DNAJC7: variants seen among roughly 807,000 people sequenced by gnomAD.
The protein encoded by DNAJC7 is DnaJ heat shock protein family (Hsp40) member C7.
A neutral mutation model predicts 67.4 loss-of-function variants in DNAJC7; 18 were observed. The ratio of observed to expected loss-of-function variants is 0.27; its 90% confidence interval spans 0.18 to 0.40. The LOEUF is 0.40. DNAJC7 is among the 10% of genes least tolerant of loss of function. The pLI is 1.00. For synonymous variants in DNAJC7, 220 were observed against 207.8 expected, an observed-to-expected ratio of 1.06 and a Z score of -0.50; for missense variants, 419 against 613.8, an observed-to-expected ratio of 0.68 and a Z score of 3.35.
At position 41,988,899 on chromosome 17, in the gene DNAJC7, A is replaced by G. The variant is rs781811871; in HGVS notation, c.754-3T>C. The G allele has an allele frequency of 8.1e-6, 13 of 1,613,164 alleles. No homozygotes were observed. In the East Asian group the frequency reaches 2.2e-4, roughly 28 times the overall value. The stretch of plus-strand genomic sequence containing the variant: ...TTTGCTTTGAGTGCTTTGGCATTCT[A>G]CAGAAAAAAGCAAGGGGAGGATCGG... On this transcript the variant is annotated splice_region_variant and splice_polypyrimidine_tract_variant and intron_variant, in intron 7 of 13. Transcript: ENST00000457167.
intron 5 of DNAJC7, among the ~76,000 whole-genome samples, chr17:41,991,080 T>C (rs1015770666): frequency 2.6e-5 from 4 of 152,220 alleles, no homozygotes; most frequent in Admixed American, 6.5e-5. Context: ...TGGGGATTAA[T>C]TTACTCTTTC....
rs550691498 is a variant in DNAJC7 at position 41,997,432 on chromosome 17, CA to C, written c.167-194del. 0.028 allele frequency among the ~76,000 whole-genome samples: 3,291 copies of C among 118,220 alleles called. 86 individuals carry two copies. The highest frequency in any genetic ancestry group is 0.083 in the African/African-American group (2,675 of 32,230). 77.6% of individuals were successfully genotyped at this position (118,220 alleles called of 152,430 possible). A position where few individuals can be genotyped will look rare whatever the true frequency, so the allele number is the denominator to read the frequency against. ...GCACAACCCCATCTCTACTAAAATA[CA>C]AAAAAAAAAAAAAAATAGCTGGGCG... is the stretch of plus-strand genomic sequence containing the variant. On this transcript the variant is annotated intron_variant, in intron 2 of 13. Transcript: ENST00000457167.
chr17:42,007,706 T>C (rs1246969313), intron 1 of DNAJC7, among the ~76,000 whole-genome samples: 2 of 151,648 alleles, frequency 1.3e-5, no homozygotes, highest in East Asian at 3.9e-4. Flanking sequence ...TGTATTTTAG[T>C]AGAGATGGGG....
chr17:41,977,406 C>G, intron 12 of DNAJC7, 83 bp from the exon 13 acceptor site: 2 of 1,281,444 alleles, frequency 1.6e-6, no homozygotes, highest in Non-Finnish European at 2.2e-6. Context: ...ACACTGAGAA[C>G]AGATCTCCAA....
rs10631965 is a variant in DNAJC7 at position 42,003,950 on chromosome 17, A to ATTTTTTT, written c.78-3387_78-3381dup. On this transcript the variant is annotated intron_variant, in intron 1 of 13. Coordinates refer to ENST00000457167, the MANE Select transcript of DNAJC7 (RefSeq NM_003315.4). The stretch of plus-strand genomic sequence containing the variant: ...GAAGCATTTCCAATGAAGATTTTCA[A>ATTTTTTT]TTTTTTTTTTTTTTTTTTTTTTTTA... 3.5e-4 allele frequency among the ~76,000 whole-genome samples: 33 copies of ATTTTTTT among 94,320 alleles called. 3 individuals carry two copies. Among genetic ancestry groups the ATTTTTTT allele is most frequent in the East Asian group, 2.1e-3 (6 of 2,912 alleles). The allele number at this position is 94,320 out of a possible 152,430, so 61.9% of individuals were successfully genotyped here.
chr17:42,002,304 TAAG>T (rs2051828664), intron 1 of DNAJC7, among the ~76,000 whole-genome samples: 3 of 152,214 alleles, frequency 2.0e-5, no homozygotes, highest in Admixed American at 1.3e-4. Context: ...GGCTAGTGGC[TAAG>T]AATATACAAA....
chr17:41,981,550 A>G (rs2051251835), intron 12 of DNAJC7: 1 of 264,932 alleles, frequency 3.8e-6, no homozygotes, highest in South Asian at 6.9e-5. Context: ...GGCTGGTCTC[A>G]AACTCCTGAC....
At chr17:42,011,237 T>C (rs1422208515) in intron 1 of DNAJC7, 2 of 152,222 alleles carry the variant, frequency 1.3e-5, no homozygotes, top group African/African-American at 4.8e-5. Flanking sequence ...AAGTGCCCAG[T>C]ACTCAGCTTT....
chr17:42,000,432 A>C, intron 2 of DNAJC7, 50 bp downstream of exon 2: 1 of 1,443,652 alleles, frequency 6.9e-7, no homozygotes. Flanking sequence ...TACTTTTAAT[A>C]ATATTTGGCA....
In DNAJC7 at chr17:42,012,971, A is replaced by AT. The variant is rs1297233929; in HGVS notation, c.77+4368dup. 128 of 149,344 alleles carry AT rather than the reference A, an allele frequency of 8.6e-4. 1 individual carries two copies. The highest frequency in any genetic ancestry group is 8.5e-4 in the South Asian group (4 of 4,724). 9.3% of individuals were successfully genotyped at this position (149,344 alleles called of 1,614,324 possible). Reference sequence around the variant, plus strand: ...ACCATCACACCCTGCTAATTTTTGTATTTTTTTTTTACAGAGATGGGGGGC... The same window carrying AT: ...ACCATCACACCCTGCTAATTTTTGTATTTTTTTTTTTACAGAGATGGGGGGC... On this transcript the variant is annotated intron_variant, in intron 1 of 13. Coordinates refer to ENST00000457167, the MANE Select transcript of DNAJC7 (RefSeq NM_003315.4).
chr17:41,982,604 G>A (rs1383687512), intron 10 of DNAJC7, among the ~76,000 whole-genome samples: 1 of 152,122 alleles, frequency 6.6e-6, no homozygotes, highest in East Asian at 1.9e-4. Context: ...TGGGAGGCCT[G>A]CATCAATGAG....
intron 1 of DNAJC7, chr17:42,014,917 T>A (rs1555651636): frequency 6.6e-6 from 1 of 151,780 alleles, no homozygotes; most frequent in Non-Finnish European, 1.5e-5. Context: ...GAATAATGCA[T>A]GTTGTCATGT....
intron 6 of DNAJC7, 143 bp downstream of exon 6, chr17:41,990,121 C>T (rs541661693): frequency 1.4e-6 from 1 of 732,826 alleles, no homozygotes; most frequent in Admixed American, 2.5e-5. Context: ...CAAAGCTGGT[C>T]TAATCTTTGA....
At chr17:42,006,160 G>A (rs2051947403) in intron 1 of DNAJC7, among the ~76,000 whole-genome samples, 1 of 149,000 alleles carries the variant, frequency 6.7e-6, no homozygotes, top group South Asian at 2.1e-4. Context: ...TAGCCAGGAT[G>A]GTCTCAATCT....
At chr17:41,981,077 C>T (rs1422611917) in intron 12 of DNAJC7, among the ~76,000 whole-genome samples, 2 of 152,154 alleles carry the variant, frequency 1.3e-5, no homozygotes, top group African/African-American at 4.8e-5. Flanking sequence ...ACTCTGTTGC[C>T]CAGGCTGGAG....
At chr17:41,992,142 G>A (rs1555647868) in intron 5 of DNAJC7, among the ~76,000 whole-genome samples, 1 of 152,120 alleles carries the variant, frequency 6.6e-6, no homozygotes, top group East Asian at 1.9e-4. Flanking sequence ...CAGTGGCACA[G>A]GTTTACTGTC....
At chr17:41,986,482 A>G (rs1825278231) in intron 9 of DNAJC7, among the ~76,000 whole-genome samples, 1 of 150,256 alleles carries the variant, frequency 6.7e-6, no homozygotes, top group Non-Finnish European at 1.5e-5. Context: ...AGTATCAAGT[A>G]TCTAGCCACC....
At chr17:42,002,789 A>G (rs2051843588) in intron 1 of DNAJC7, among the ~76,000 whole-genome samples, 1 of 152,188 alleles carries the variant, frequency 6.6e-6, no homozygotes, top group African/African-American at 2.4e-5. Flanking sequence ...GACATGGACA[A>G]TATATGTAAG....
At chr17:41,976,825 C>T (rs781832564) in intron 13 of DNAJC7, 55 bp from the exon 14 acceptor site, 445 of 1,590,230 alleles carry the variant, frequency 2.8e-4, no homozygotes, top group Non-Finnish European at 3.7e-4. Flanking sequence ...AGGAAGATCA[C>T]TTTGCTCTGA....
Sources: gnomAD v4.1 joint callset for allele counts (sites outside exome capture counted in the v4.1 genomes callset) on GRCh38, gnomAD v4.1.1 for gene constraint, MANE v1.5 for transcripts, NCBI Gene and HGNC (gene_info 2026-07-23, HGNC 2026-07-21) for gene names.